Variants in MGA observed in about 807,000 individuals in gnomAD.
The protein encoded by MGA is MAX gene-associated protein.
MGA carries 40 observed loss-of-function variants against 261.1 expected under a neutral mutation model. The ratio of observed to expected loss-of-function variants is 0.15; its 90% CI spans 0.12 to 0.20. The LOEUF (loss-of-function observed/expected upper bound fraction) is 0.20. Ranked by LOEUF, MGA falls within the 10% of genes least tolerant of loss-of-function variation. MGA has a pLI of 1.00. For synonymous variants in MGA, 1,302 were observed against 1,290.6 expected (o/e 1.01, Z -0.19); for missense variants, 3,397 against 3,630.5 (o/e 0.94, Z 1.65).
At chr15:41,653,969 C>A (rs567540174) in intron 1 of MGA, among the ~76,000 whole-genome samples, 1 of 152,132 alleles carries the variant, frequency 6.6e-6, no homozygotes, top group Non-Finnish European at 1.5e-5. Flanking sequence ...CTTGCCCCAC[C>A]GTAAAGGATT....
At chr15:41,640,309 G>A (rs1043705926) in intron 1 of MGA, among the ~76,000 whole-genome samples, 1 of 152,128 alleles carries the variant, frequency 6.6e-6, no homozygotes, top group African/African-American at 2.4e-5. Context: ...GAGTATTGAG[G>A]CCCTTATATG....
chr15:41,717,102 T>A lies in MGA; in HGVS notation c.3430+3606T>A, dbSNP rs945525731. 2.0e-5 allele frequency among the ~76,000 whole-genome samples: 3 copies of A among 152,200 alleles called. No homozygotes were observed. In the South Asian group the frequency reaches 6.2e-4, roughly 32 times the overall value. On this transcript the variant is annotated intron_variant, in intron 9 of 23. Transcript: ENST00000219905. ...GACTTGTTCTCCAAGGTCATAAAGATACTAAGTGAGTTGTAGGGGACTGCC... is the reference window on the plus strand; with the variant it reads ...GACTTGTTCTCCAAGGTCATAAAGAAACTAAGTGAGTTGTAGGGGACTGCC...
chr15:41,747,860 A>G (rs932458791), intron 15 of MGA, among the ~76,000 whole-genome samples: 14 of 152,342 alleles, frequency 9.2e-5, no homozygotes, highest in Admixed American at 8.5e-4. Flanking sequence ...GTAAAGCTCC[A>G]TAATGTCTGG....
intron 1 of MGA, among the ~76,000 whole-genome samples, chr15:41,633,317 C>A (rs1291764914): frequency 6.6e-6 from 1 of 150,670 alleles, no homozygotes; most frequent in African/African-American, 2.4e-5. Flanking sequence ...TATTTAATCG[C>A]CTAAGTAGTC....
Position 41,749,355 on chromosome 15 carries a change from AGGCTCT to A in MGA, c.5750_5755del (p.Gly1917_Ser1918del), listed in dbSNP as rs760639138. ...AACCACAAAGCTTTGCAAGTAAAAC[AGGCTCT>A]GAAACCAAAATAACTTATAGCTCAG... On this transcript the variant is annotated inframe_deletion, in exon 17 of 24. Coordinates refer to ENST00000219905, the MANE Select transcript of MGA (RefSeq NM_001164273.2). 1 of 1,614,030 alleles carries A rather than the reference AGGCTCT, an allele frequency of 6.2e-7. No individual in the cohort carries two copies. The highest frequency in any genetic ancestry group is 2.2e-5 in the East Asian group (1 of 44,880).
intron 9 of MGA, 99 bp downstream of exon 9, chr15:41,713,595 C>T (rs954123701): frequency 1.5e-6 from 2 of 1,347,894 alleles, no homozygotes; most frequent in African/African-American, 2.9e-5. Flanking sequence ...GATCAATTAT[C>T]CAATAAGAGC....
At chr15:41,705,771 G>A (rs554672901) in intron 5 of MGA, among the ~76,000 whole-genome samples, 1 of 152,240 alleles carries the variant, frequency 6.6e-6, no homozygotes, top group African/African-American at 2.4e-5. Context: ...TTACTGTTGA[G>A]AAAACTAAAG....
At chr15:41,670,697 A>G (rs748810819) in intron 2 of MGA, among the ~76,000 whole-genome samples, 1 of 152,068 alleles carries the variant, frequency 6.6e-6, no homozygotes, top group Non-Finnish European at 1.5e-5. Flanking sequence ...TGGTAGAGAC[A>G]GGGTTTCACT....
In MGA at chr15:41,766,380, G is replaced by A; in HGVS notation, c.8298G>A (p.Glu2766=). The change falls in exon 24 of 24, where the codon GAG becomes GAA. Residue 2766 remains glutamate (E), a synonymous_variant. Transcript: ENST00000219905. ...GGAAAGAGAGTGAATCAAGAGGGGA[G>A]AGAGTGAAGTCAAAGGATTCTTCAT... 7 of 1,613,942 alleles carry A rather than the reference G, an allele frequency of 4.3e-6. No homozygotes were observed. The highest frequency in any genetic ancestry group is 5.9e-6 in the Non-Finnish European group (7 of 1,179,864).
At chr15:41,691,784 C>CTGTTGTTCTCTT (rs1403216356) in intron 2 of MGA, 1 of 207,896 alleles carries the variant, frequency 4.8e-6, no homozygotes, top group Non-Finnish European at 1.1e-5. Context: ...ACTAGTCAGT[C>CTGTTGTTCTCTT]TGTTGTTCTC....
intron 3 of MGA, 34 bp from the exon 4 acceptor site, chr15:41,698,829 T>C (rs1188846918): frequency 1.4e-6 from 2 of 1,451,340 alleles, no homozygotes; most frequent in African/African-American, 2.9e-5. Flanking sequence ...AGAAGCAATA[T>C]GAACTACTAT....
rs1197580751 is a variant in MGA, at chr15:41,769,818, A to G, written c.*2538A>G. ...GCATTTTCTTTTATATATTAAATAT[A>G]TATATCTTTCCTTTTCTGCTTTCGA... On this transcript the variant is annotated 3_prime_UTR_variant, in exon 24 of 24. Transcript: ENST00000219905. The G allele has an allele frequency of 6.6e-6, 1 of 152,570 alleles. No individual in the cohort carries two copies. The highest frequency in any genetic ancestry group is 1.5e-5 in the Non-Finnish European group (1 of 68,026). 9.5% of individuals were successfully genotyped at this position (152,570 alleles called of 1,614,324 possible).
chr15:41,722,901 G>A (rs2061027826), intron 9 of MGA, among the ~76,000 whole-genome samples: 1 of 152,160 alleles, frequency 6.6e-6, no homozygotes, highest in Non-Finnish European at 1.5e-5. Context: ...CAGGTATGTG[G>A]TGAAAAGATA....
chr15:41,706,973 G>A (rs2060151972), intron 5 of MGA, among the ~76,000 whole-genome samples: 1 of 152,012 alleles, frequency 6.6e-6, no homozygotes, highest in South Asian at 2.1e-4. Context: ...TATAAATAAG[G>A]AAGTCATAAT....
chr15:41,644,330 A>G (rs1430004725), intron 1 of MGA, among the ~76,000 whole-genome samples: 1 of 142,284 alleles, frequency 7.0e-6, no homozygotes, highest in Non-Finnish European at 1.5e-5. Flanking sequence ...GCAACGTAGC[A>G]AGACTCCATC....
chr15:41,640,744 C>T (rs534122517), intron 1 of MGA, among the ~76,000 whole-genome samples: 2 of 152,176 alleles, frequency 1.3e-5, no homozygotes, highest in African/African-American at 4.8e-5. Context: ...GTCTCAAACT[C>T]CTGACCTCAC....
chr15:41,694,046 C>G (rs1479386973), intron 2 of MGA, among the ~76,000 whole-genome samples: 1 of 151,870 alleles, frequency 6.6e-6, no homozygotes, highest in East Asian at 1.9e-4. Flanking sequence ...TGTAACTTTT[C>G]TAGTTCTAAG....
chr15:41,744,020 A>G (rs1567067887), intron 15 of MGA, among the ~76,000 whole-genome samples: 1 of 152,148 alleles, frequency 6.6e-6, no homozygotes, highest in Admixed American at 6.5e-5. Context: ...TTGAGGGGAA[A>G]TAATTAACTA....
chr15:41,694,112 A>G (rs1160767855), intron 2 of MGA, among the ~76,000 whole-genome samples: 4 of 151,988 alleles, frequency 2.6e-5, no homozygotes, highest in Non-Finnish European at 5.9e-5. Flanking sequence ...AAACCTACCT[A>G]CCTAACTTTT....
Sources: gnomAD v4.1 joint callset for allele counts (sites outside exome capture counted in the v4.1 genomes callset) on GRCh38, gnomAD v4.1.1 for gene constraint, MANE v1.5 for transcripts, NCBI Gene and HGNC (gene_info 2026-07-23, HGNC 2026-07-21) for gene names.